Variants in POU2F2 observed in about 807,000 individuals in gnomAD.
POU2F2 encodes the protein POU domain, class 2, transcription factor 2.
A neutral mutation model predicts 63.5 loss-of-function variants in POU2F2; 14 were observed. The observed-to-expected ratio is 0.22, with a 90% CI of 0.15 to 0.34. POU2F2 has a LOEUF of 0.34. Ranked by LOEUF, POU2F2 falls within the 10% of genes least tolerant of loss-of-function variation. The pLI, the probability that POU2F2 is intolerant of heterozygous loss-of-function variation, is 1.00. For missense variants in POU2F2, 607 were observed against 815.2 expected (o/e 0.74, Z 3.11); for synonymous variants, 306 against 348.6 (o/e 0.88, Z 1.36).
intron 5 of POU2F2, among the ~76,000 whole-genome samples, chr19:42,109,998 T>G (rs2146489749): frequency 6.6e-6 from 1 of 152,302 alleles, no homozygotes; most frequent in Non-Finnish European, 1.5e-5. Flanking sequence ...GACTCACGCT[T>G]ATAATCCCTG....
upstream of POU2F2, among the ~76,000 whole-genome samples, chr19:42,179,743 G>A (rs555216716): frequency 3.9e-5 from 6 of 152,202 alleles, no homozygotes; most frequent in Admixed American, 6.5e-5. Context: ...CTGGAAGTGC[G>A]TAACATAAAT....
chr19:42,096,725 G>A lies in POU2F2; in HGVS notation c.568-482C>T, dbSNP rs575870059. Among the ~76,000 whole-genome samples the A allele has an allele frequency of 7.2e-5, 11 of 152,302 alleles. No homozygotes were observed. The South Asian group carries it at 1.9e-3, about 26-fold the overall frequency. ...GTTGAGAGAATCGGGTTAAAAATGA[G>A]TAGGTCGTGCAGACCCATGGACTGT... On this transcript the variant is annotated intron_variant, in intron 7 of 14. Coordinates refer to ENST00000692977, the MANE Select transcript of POU2F2 (RefSeq NM_001394376.1). This position sits in a 1 kb window ranked among gnomAD's most constrained non-coding sequence, Gnocchi z 4.1.
At chr19:42,182,888 C>CTGGAGCAGGCAA (rs2034977794) in intron 1 of POU2F2, among the ~76,000 whole-genome samples, 1 of 152,044 alleles carries the variant, frequency 6.6e-6, no homozygotes, top group African/African-American at 2.4e-5. Context: ...CAGGAGGAGG[C>CTGGAGCAGGCAA]TGGAGCAGGC....
At chr19:42,184,968 C>T (rs2034998246) in intron 1 of POU2F2, among the ~76,000 whole-genome samples, 1 of 152,154 alleles carries the variant, frequency 6.6e-6, no homozygotes, top group Admixed American at 6.5e-5. Flanking sequence ...CTCTACCATG[C>T]CCCTAGACCT....
intron 1 of POU2F2, among the ~76,000 whole-genome samples, chr19:42,192,279 A>G (rs980764492): frequency 1.3e-5 from 2 of 152,194 alleles, no homozygotes; most frequent in African/African-American, 4.8e-5. Flanking sequence ...TGAAGTGACC[A>G]GGGAGTCAAC....
chr19:42,178,942 C>A (rs1010896906), upstream of POU2F2, among the ~76,000 whole-genome samples: 1 of 151,732 alleles, frequency 6.6e-6, no homozygotes, highest in African/African-American at 2.4e-5. Flanking sequence ...AACAGAGAAA[C>A]CTCAGGAGAC....
At chr19:42,185,531 C>T (rs1038775101) in intron 1 of POU2F2, among the ~76,000 whole-genome samples, 2 of 152,188 alleles carry the variant, frequency 1.3e-5, no homozygotes, top group South Asian at 2.1e-4. Flanking sequence ...ACTGCAACCA[C>T]ACCAAACCAC....
In POU2F2 at chr19:42,117,404, G is replaced by A; in HGVS notation, c.215C>T (p.Thr72Ile). 7.1e-7 allele frequency: 1 copy of A among 1,409,346 alleles called. No homozygotes were observed. The highest frequency in any genetic ancestry group is 9.7e-7 in the Non-Finnish European group (1 of 1,029,856). 87.3% of individuals were successfully genotyped at this position (1,409,346 alleles called of 1,614,324 possible). A position where few individuals can be genotyped will look rare whatever the true frequency, so the allele number is the denominator to read the frequency against. Residue 72 changes from threonine to isoleucine, a missense_variant, in exon 5 of 15, where the codon ACA becomes ATA. By Grantham distance (89) the Thr-to-Ile change is moderately conservative. Coordinates refer to ENST00000692977, the MANE Select transcript of POU2F2 (RefSeq NM_001394376.1). This position sits in a 1 kb window ranked among gnomAD's most constrained non-coding sequence, Gnocchi z 4.4. Reference sequence around the variant, plus strand: ...GAGGCAGGGTCCGGGACCCCAGAATGTTAAGTGGAGGCCAGAGAGAATGCC... The same window carrying A: ...GAGGCAGGGTCCGGGACCCCAGAATATTAAGTGGAGGCCAGAGAGAATGCC... ...KVGILSGLHL[T>I]FWGPGPCLSP...
chr19:42,124,269 G>A (rs1240273094), intron 1 of POU2F2, among the ~76,000 whole-genome samples: 8 of 143,802 alleles, frequency 5.6e-5, no homozygotes, highest in African/African-American at 7.8e-5. Context: ...GCACCACTGC[G>A]CTCCAGCCTG....
At chr19:42,161,680 A>T (rs2034553640) in intron 1 of POU2F2, among the ~76,000 whole-genome samples, 1 of 151,830 alleles carries the variant, frequency 6.6e-6, no homozygotes, top group Admixed American at 6.6e-5. Context: ...AAGAAGCAAA[A>T]GGGGGGTAAA....
chr19:42,162,270 C>T lies in POU2F2; in HGVS notation c.-69-1878G>A, dbSNP rs1446255863. ...TATCTGCTTCCAACTCTCATCCCAT[C>T]TCCCGGGTTCCCAAACCCCAATATG... is the stretch of plus-strand genomic sequence containing the variant. On this transcript the variant is annotated intron_variant, in intron 1 of 6. Transcript: ENST00000524801. This position sits in a 1 kb window ranked among gnomAD's most constrained non-coding sequence, Gnocchi z 4.1. 3.3e-5 allele frequency among the ~76,000 whole-genome samples: 5 copies of T among 152,158 alleles called. No individual in the cohort carries two copies. Among genetic ancestry groups the T allele is most frequent in the African/African-American group, 4.8e-5 (2 of 41,432 alleles).
intron 4 of POU2F2, among the ~76,000 whole-genome samples, chr19:42,121,221 AG>A (rs1312838397): frequency 1.3e-5 from 2 of 152,174 alleles, no homozygotes; most frequent in Non-Finnish European, 2.9e-5. Context: ...AGGGTCAAGG[AG>A]GTCAAGATCG....
rs1193955847 is a variant in POU2F2, at chr19:42,162,098, G to T, written c.-69-1706C>A. 6.6e-6 allele frequency among the ~76,000 whole-genome samples: 1 copy of T among 152,146 alleles called. No individual in the cohort carries two copies. Among genetic ancestry groups the T allele is most frequent in the Admixed American group, 6.5e-5 (1 of 15,288 alleles). The stretch of plus-strand genomic sequence containing the variant: ...GAGGGAATCCCCAGGCCTCGGGGGG[G>T]CCAGAGTCAGACAGCGCCTTAGGGC... On this transcript the variant is annotated intron_variant, in intron 1 of 6. Coordinates refer to the POU2F2 transcript ENST00000524801. This position sits in a 1 kb window ranked among gnomAD's most constrained non-coding sequence, Gnocchi z 4.1.
intron 1 of POU2F2, among the ~76,000 whole-genome samples, chr19:42,167,086 G>A (rs962337335): frequency 6.6e-6 from 1 of 152,168 alleles, no homozygotes; most frequent in African/African-American, 2.4e-5. Context: ...TCTAGTGGAG[G>A]AAGAGATATG....
intron 1 of POU2F2, among the ~76,000 whole-genome samples, chr19:42,191,710 TTTGAG>T (rs1288185824): frequency 6.6e-6 from 1 of 152,140 alleles, no homozygotes; most frequent in African/African-American, 2.4e-5. Context: ...TAGAGCTCTC[TTTGAG>T]TTGACGCCAC....
At chr19:42,100,546 G>C (rs1209755913) in intron 5 of POU2F2, among the ~76,000 whole-genome samples, 2 of 151,472 alleles carry the variant, frequency 1.3e-5, no homozygotes, top group Non-Finnish European at 2.9e-5. Context: ...GAGGCCAGGC[G>C]TTTAACACCA....
intron 1 of POU2F2, chr19:42,160,502 T>C (rs1242686277): frequency 6.6e-6 from 1 of 152,218 alleles, no homozygotes; most frequent in African/African-American, 2.4e-5. Context: ...CATCAGGAGC[T>C]GCAGTTGGCT....
chr19:42,096,408 C>T lies in POU2F2; in HGVS notation c.568-165G>A, dbSNP rs979808286. Among the ~76,000 whole-genome samples, 1 of 152,242 alleles carries T rather than the reference C, an allele frequency of 6.6e-6. No individual in the cohort carries two copies. Among genetic ancestry groups the T allele is most frequent in the Non-Finnish European group, 1.5e-5 (1 of 68,048 alleles). On this transcript the variant is annotated intron_variant, in intron 7 of 14. Coordinates refer to ENST00000692977, the MANE Select transcript of POU2F2 (RefSeq NM_001394376.1). This position sits in a 1 kb window ranked among gnomAD's most constrained non-coding sequence, Gnocchi z 4.1. ...AGCACCGTCAATCCCTTTAAAGGTCCCTCCACATGCACTGTTAATCCCTTT... is the reference window on the plus strand; with the variant it reads ...AGCACCGTCAATCCCTTTAAAGGTCTCTCCACATGCACTGTTAATCCCTTT...
Position 42,095,179 on chromosome 19 carries a change from C to T in POU2F2, c.1197+107G>A. ...TGATGGCCTGTCTCCAAGAGTGACT[C>T]TTCTTGTCTCTGTTCTAGGCTCTGT... On this transcript the variant is annotated intron_variant, in intron 11 of 14. Coordinates refer to ENST00000692977, the MANE Select transcript of POU2F2 (RefSeq NM_001394376.1). The surrounding 1 kb of genome is among the most constrained non-coding windows in gnomAD (Gnocchi z 7.1). 1 of 1,345,030 alleles carries T rather than the reference C, an allele frequency of 7.4e-7. No homozygotes were observed. The highest frequency in any genetic ancestry group is 9.9e-7 in the Non-Finnish European group (1 of 1,007,404). 83.3% of individuals were successfully genotyped at this position (1,345,030 alleles called of 1,614,324 possible).
Sources: allele counts gnomAD v4.1 joint callset (sites outside exome capture counted in the v4.1 genomes callset), GRCh38; gene constraint gnomAD v4.1.1; non-coding constraint Gnocchi (gnomAD v3.1); transcripts MANE v1.5; gene names NCBI Gene and HGNC (gene_info 2026-07-23, HGNC 2026-07-21).